The following ARL17A variants were observed in gnomAD, a reference collection of about 807,000 sequenced individuals.
The protein encoded by ARL17A is ADP-ribosylation factor-like 17-like.
chr17:46,525,619 TC>T (rs1184604190), downstream of ARL17A, among the ~76,000 whole-genome samples: 7 of 110,772 alleles, frequency 6.3e-5, 2 homozygotes, highest in Admixed American at 4.5e-4. Context: ...ATAATAATCA[TC>T]ATCATCATCA....
chr17:46,525,780 G>A, downstream of ARL17A, among the ~76,000 whole-genome samples: 1 of 86,406 alleles, frequency 1.2e-5, no homozygotes, highest in Non-Finnish European at 2.3e-5. Context: ...ACTAAGTGCT[G>A]GGGCTACAAA....
intron 3 of ARL17A, among the ~76,000 whole-genome samples, chr17:46,542,617 C>A (rs1459558591): frequency 6.7e-6 from 1 of 150,220 alleles, no homozygotes; most frequent in African/African-American, 2.5e-5. Flanking sequence ...ATCACTTGAA[C>A]CCAGGAGGTG....
At chr17:46,501,567 C>T in the ARL17A span, among the ~76,000 whole-genome samples, 9 of 151,254 alleles carry the variant, frequency 6.0e-5, no homozygotes, top group Non-Finnish European at 1.3e-4. Context: ...TCAACATGCT[C>T]ATCATCAGTC....
At chr17:46,558,836 CTTTTTTTTTTTTT>C (rs765462293) in intron 3 of ARL17A, 16 of 71,818 alleles carry the variant, frequency 2.2e-4, no homozygotes, top group Admixed American at 5.9e-4. Context: ...CTCTTTTATT[CTTTTTTTTTTTTT>C]TTTTTTTTTT....
chr17:46,530,378 C>G (rs910842399), intron 4 of ARL17A, among the ~76,000 whole-genome samples: 7 of 144,456 alleles, frequency 4.8e-5, no homozygotes, highest in Non-Finnish European at 9.1e-5. Flanking sequence ...CACATTCTTT[C>G]TCTTTGTAAC....
chr17:46,539,791 T>A (rs1278415520), intron 3 of ARL17A, among the ~76,000 whole-genome samples: 1,219 of 98,506 alleles, frequency 0.012, no homozygotes, highest in South Asian at 0.015. Flanking sequence ...AAAAAAAAAA[T>A]AGATGAACAA....
chr17:46,532,170 A>AT (rs1369186989), intron 4 of ARL17A, among the ~76,000 whole-genome samples: 2 of 149,372 alleles, frequency 1.3e-5, no homozygotes, highest in Non-Finnish European at 2.9e-5. Flanking sequence ...AAATGCTGGG[A>AT]TTACAGGCAT....
chr17:46,525,591 AATAATAATAAT>A (rs1174479613), downstream of ARL17A, among the ~76,000 whole-genome samples: 230 of 72,354 alleles, frequency 3.2e-3, 1 homozygote, highest in South Asian at 7.2e-3. Context: ...TGTCTCAAAT[AATAATAATAAT>A]ATAATAATAA....
the ARL17A span, among the ~76,000 whole-genome samples, chr17:46,500,762 A>G: frequency 6.6e-6 from 1 of 151,118 alleles, no homozygotes; most frequent in African/African-American, 2.5e-5. Context: ...TAACTTCTGG[A>G]ATTTCATCTA....
In ARL17A at chr17:46,556,194, A is replaced by G; in HGVS notation, c.*1162T>C. On this transcript the variant is annotated 3_prime_UTR_variant, in exon 4 of 4. Coordinates refer to ENST00000336125, the MANE Select transcript of ARL17A (RefSeq NM_001113738.2). ...TCAGACCCCAGGTGCAAGGCCAAGC[A>G]TCACCTATGCATCTGACCAACTGGC... 2.2e-6 allele frequency: 1 copy of G among 463,904 alleles called. No homozygotes were observed. The highest frequency in any genetic ancestry group is 2.7e-6 in the Non-Finnish European group (1 of 368,166). 28.7% of individuals were successfully genotyped at this position (463,904 alleles called of 1,614,324 possible). A position where few individuals can be genotyped will look rare whatever the true frequency, so the allele number is the denominator to read the frequency against.
chr17:46,534,660 T>G (rs1172338571), intron 4 of ARL17A, among the ~76,000 whole-genome samples: 2 of 148,978 alleles, frequency 1.3e-5, no homozygotes, highest in African/African-American at 2.6e-5. Context: ...CCCTTTTCTA[T>G]TCAACAAAAC....
intron 3 of ARL17A, among the ~76,000 whole-genome samples, chr17:46,539,768 CAAAA>C (rs1204528686): frequency 2.2e-3 from 146 of 67,016 alleles, no homozygotes; most frequent in African/African-American, 9.0e-3. Flanking sequence ...GACTCCATCT[CAAAA>C]AAAAAAAAAA....
downstream of ARL17A, chr17:46,550,407 T>C (rs556403676): frequency 2.6e-6 from 2 of 760,330 alleles, no homozygotes; most frequent in East Asian, 2.7e-5. Flanking sequence ...GTGTGTTTTT[T>C]TTTTTAGCTC....
At chr17:46,548,684 T>C (rs1320085949), downstream of ARL17A, 11 of 1,607,266 alleles carry the variant, frequency 6.8e-6, no homozygotes, top group South Asian at 1.1e-4. Context: ...TTCAAAGAGG[T>C]AGGAAGGCAG....
intron 3 of ARL17A, among the ~76,000 whole-genome samples, chr17:46,539,802 C>G (rs1256962772): frequency 6.9e-6 from 1 of 145,060 alleles, no homozygotes; most frequent in African/African-American, 2.7e-5. Context: ...AGATGAACAA[C>G]TTGAATTATG....
At position 46,521,051 on chromosome 17, in the gene ARL17A, G is replaced by A. The variant is rs1281926188; in HGVS notation, c.260-3818C>T. On this transcript the variant is annotated intron_variant, in intron 3 of 4. Transcript: ENST00000445552. ...AGATGTTTAAAATGATGGTTAACTG[G>A]TAGAGCTAGAAATGTTTACACTAAG... is the stretch of plus-strand genomic sequence containing the variant. Among the ~76,000 whole-genome samples the A allele has an allele frequency of 1.0e-4, 8 of 80,036 alleles. 3 individuals carry two copies. Among genetic ancestry groups the A allele is most frequent in the Admixed American group, 7.6e-4 (6 of 7,924 alleles). 52.5% of individuals were successfully genotyped at this position (80,036 alleles called of 152,430 possible).
chr17:46,575,156 C>A (rs1310907978), intron 2 of ARL17A, among the ~76,000 whole-genome samples: 6 of 107,368 alleles, frequency 5.6e-5, no homozygotes, highest in Admixed American at 4.8e-4. Flanking sequence ...ATATTCAGAA[C>A]AGAACAGTAG....
chr17:46,529,427 G>A (rs1380721403), intron 4 of ARL17A, among the ~76,000 whole-genome samples: 1 of 107,982 alleles, frequency 9.3e-6, no homozygotes, highest in Non-Finnish European at 2.1e-5. Flanking sequence ...CCAAAAAGGC[G>A]ATGGACTGGG....
At chr17:46,505,807 C>CTT in the ARL17A span, among the ~76,000 whole-genome samples, 52 of 68,650 alleles carry the variant, frequency 7.6e-4, no homozygotes, top group African/African-American at 4.8e-3. Context: ...TAAACATTGT[C>CTT]TTTTTTTTTT....
Sources: allele counts gnomAD v4.1 joint callset (sites outside exome capture counted in the v4.1 genomes callset), GRCh38; gene constraint gnomAD v4.1.1; transcripts MANE v1.5; gene names NCBI Gene and HGNC (gene_info 2026-07-23, HGNC 2026-07-21).